EBF2: variants seen among roughly 807,000 people sequenced by gnomAD.
EBF2 encodes transcription factor COE2.
Under a neutral mutation model 72.8 loss-of-function variants are expected in EBF2, and 21 were observed. The ratio of observed to expected loss-of-function variants is 0.29; its 90% CI spans 0.20 to 0.42. The LOEUF (loss-of-function observed/expected upper bound fraction) is 0.42. EBF2 is among the 10% of genes least tolerant of loss of function. EBF2 has a pLI of 1.00. For missense variants in EBF2, 637 were observed against 731.2 expected, an observed-to-expected ratio of 0.87 and a Z score of 1.49; for synonymous variants, 299 against 274.2, an observed-to-expected ratio of 1.09 and a Z score of -0.89.
At chr8:25,882,905 G>A (rs1272111228) in intron 10 of EBF2, among the ~76,000 whole-genome samples, 3 of 152,228 alleles carry the variant, frequency 2.0e-5, no homozygotes, top group African/African-American at 7.2e-5. Flanking sequence ...CACACGTCAT[G>A]CAAAAGTCGT....
intron 6 of EBF2, among the ~76,000 whole-genome samples, chr8:25,918,840 T>C (rs1803265846): frequency 6.6e-6 from 1 of 152,228 alleles, no homozygotes; most frequent in Non-Finnish European, 1.5e-5. Context: ...TTGCCTTCTA[T>C]CCGTCGGATC....
intron 6 of EBF2, among the ~76,000 whole-genome samples, chr8:25,956,318 T>C (rs1261898137): frequency 1.3e-5 from 2 of 151,192 alleles, no homozygotes; most frequent in East Asian, 3.9e-4. Context: ...CTCTGGAGAA[T>C]CCCTTGAACC....
rs1160711268 is a variant in EBF2, at chr8:25,861,173, G to T, written c.1218C>A (p.Pro406=). 4 of 1,613,970 alleles carry T rather than the reference G, an allele frequency of 2.5e-6. No individual in the cohort carries two copies. Among genetic ancestry groups the T allele is most frequent in the East Asian group, 2.2e-5 (1 of 44,892 alleles). ...ADIAEALYSV[P]RNPSQLPALS... is the part of the protein sequence containing the mutation. ...GGGCTGGAAGCTGGCTGGGATTCCTGGGGACGCTGTAGAGAGCTTCAGCAA... is the reference window on the plus strand; with the variant it reads ...GGGCTGGAAGCTGGCTGGGATTCCTTGGGACGCTGTAGAGAGCTTCAGCAA... Residue 406 remains proline, a synonymous_variant, in exon 13 of 16, where the codon CCC becomes CCA. Coordinates refer to ENST00000520164, the MANE Select transcript of EBF2 (RefSeq NM_022659.4).
chr8:26,031,426 C>CTTTTTTT (rs138023531), intron 6 of EBF2: 9 of 82,050 alleles, frequency 1.1e-4, no homozygotes, highest in African/African-American at 4.4e-4. Context: ...TTTTCTTTTT[C>CTTTTTTT]TTTTTTTTTT....
At chr8:25,941,629 CATCT>C (rs1803672486) in intron 6 of EBF2, among the ~76,000 whole-genome samples, 1 of 152,118 alleles carries the variant, frequency 6.6e-6, no homozygotes, top group Non-Finnish European at 1.5e-5. Context: ...ACTCCTCCTC[CATCT>C]GAGCCCCTAG....
intron 6 of EBF2, among the ~76,000 whole-genome samples, chr8:25,937,812 T>C (rs1803603121): frequency 6.6e-6 from 1 of 152,178 alleles, no homozygotes. Flanking sequence ...ACTTGGTGTT[T>C]TAAAACAGAT....
Position 25,991,908 on chromosome 8 carries a change from T to C in EBF2, c.551+41177A>G, listed in dbSNP as rs10090763. 2.2e-3 allele frequency among the ~76,000 whole-genome samples: 329 copies of C among 152,186 alleles called. 4 individuals are homozygous for C. Among genetic ancestry groups the C allele is most frequent in the African/African-American group, 7.4e-3 (309 of 41,542 alleles). The stretch of plus-strand genomic sequence containing the variant: ...GAGTTCACAACCACTTCATTCATGA[T>C]GACAAACACTGAGCAGCAATAGACT... On this transcript the variant is annotated intron_variant, in intron 6 of 15. Transcript: ENST00000520164.
chr8:25,970,950 A>G lies in EBF2; in HGVS notation c.551+62135T>C, dbSNP rs146033687. Among the ~76,000 whole-genome samples, 561 of 152,268 alleles carry G rather than the reference A, an allele frequency of 3.7e-3. 3 individuals carry two copies. The highest frequency in any genetic ancestry group is 0.01 in the Middle Eastern group (3 of 294). On this transcript the variant is annotated intron_variant, in intron 6 of 15. Coordinates refer to ENST00000520164, the MANE Select transcript of EBF2 (RefSeq NM_022659.4). ...TGGGCTCAAGCAACCCTCCCACTTC[A>G]GCCTCCTGAGTAACTGAGACTACAG... is the stretch of plus-strand genomic sequence containing the variant.
chr8:25,960,057 G>C (rs1212386136), intron 6 of EBF2, among the ~76,000 whole-genome samples: 1 of 152,168 alleles, frequency 6.6e-6, no homozygotes, highest in East Asian at 1.9e-4. Flanking sequence ...CCCTAAAGCA[G>C]TGATCTTCAT....
chr8:25,908,348 T>C (rs980846867), intron 7 of EBF2, 126 bp downstream of exon 7: 2 of 695,882 alleles, frequency 2.9e-6, no homozygotes, highest in African/African-American at 1.8e-5. Context: ...CGTTTACCAT[T>C]GTCTTTTTTA....
At chr8:25,971,284 GA>G (rs1563196334) in intron 6 of EBF2, among the ~76,000 whole-genome samples, 1 of 152,134 alleles carries the variant, frequency 6.6e-6, no homozygotes, top group Non-Finnish European at 1.5e-5. Context: ...AAAGAGTGAT[GA>G]AAAAATAAGC....
intron 6 of EBF2, among the ~76,000 whole-genome samples, chr8:25,947,648 C>T (rs1221518287): frequency 1.3e-5 from 2 of 152,196 alleles, no homozygotes; most frequent in South Asian, 2.1e-4. Flanking sequence ...GTTCTGCATA[C>T]CCTTAAGTGC....
chr8:25,897,483 T>C lies in EBF2; in HGVS notation c.634-7614A>G, dbSNP rs535719534. Among the ~76,000 whole-genome samples, 3 of 152,306 alleles carry C rather than the reference T, an allele frequency of 2.0e-5. No homozygotes were observed. The East Asian group carries it at 5.8e-4, about 29-fold the overall frequency. On this transcript the variant is annotated intron_variant, in intron 7 of 15. Transcript: ENST00000520164. ...TCACCCAGGTAGTGAGCATAATTCC[T>C]AATAGGTAGTTTTTCAGCCCTCTCC...
intron 6 of EBF2, among the ~76,000 whole-genome samples, chr8:26,017,294 C>G (rs1020205135): frequency 6.6e-6 from 1 of 152,112 alleles, no homozygotes; most frequent in Admixed American, 6.5e-5. Flanking sequence ...TTGTGTTGCT[C>G]TGTGACTAGA....
intron 6 of EBF2, among the ~76,000 whole-genome samples, chr8:25,968,460 C>T (rs1043798141): frequency 3.9e-5 from 6 of 152,206 alleles, no homozygotes; most frequent in South Asian, 2.1e-4. Context: ...ATCCCACTCA[C>T]ATGAGGTTCA....
At chr8:25,974,198 G>A (rs1351038793) in intron 6 of EBF2, among the ~76,000 whole-genome samples, 2 of 152,182 alleles carry the variant, frequency 1.3e-5, no homozygotes, top group Non-Finnish European at 2.9e-5. Flanking sequence ...CCAAGGGGAA[G>A]TGGCACAGGT....
chr8:25,919,420 C>G (rs1298536222), intron 6 of EBF2, among the ~76,000 whole-genome samples: 1 of 152,138 alleles, frequency 6.6e-6, no homozygotes, highest in African/African-American at 2.4e-5. Context: ...ATAGAGAGCT[C>G]CCTGGCCCTT....
intron 6 of EBF2, among the ~76,000 whole-genome samples, chr8:25,982,620 A>G (rs2117200630): frequency 6.6e-6 from 1 of 152,328 alleles, no homozygotes; most frequent in South Asian, 2.1e-4. Flanking sequence ...ATCTGCATTT[A>G]TACCACCTTC....
intron 6 of EBF2, among the ~76,000 whole-genome samples, chr8:25,976,030 C>T (rs1157836794): frequency 1.3e-5 from 2 of 152,112 alleles, no homozygotes; most frequent in African/African-American, 2.4e-5. Flanking sequence ...CCACAGAGAT[C>T]CCTTCTGTAG....
Sources: allele counts gnomAD v4.1 joint callset (sites outside exome capture counted in the v4.1 genomes callset), GRCh38; gene constraint gnomAD v4.1.1; transcripts MANE v1.5; gene names NCBI Gene and HGNC (gene_info 2026-07-23, HGNC 2026-07-21).